SYNDIG1: variants seen among roughly 807,000 people sequenced by gnomAD.
SYNDIG1 encodes the protein synapse differentiation inducing 1.
SYNDIG1 carries 9 observed loss-of-function variants against 19.4 expected under a neutral mutation model. That is an observed-to-expected ratio of 0.46 (90% CI 0.28 to 0.81). The LOEUF is 0.81. SYNDIG1 is among the 30% of genes least tolerant of loss of function. The pLI, the probability that SYNDIG1 is intolerant of heterozygous loss-of-function variation, is 0.12. For synonymous variants in SYNDIG1, 141 were observed against 145.9 expected, an observed-to-expected ratio of 0.97 and a Z score of 0.24; for missense variants, 311 against 343.3, an observed-to-expected ratio of 0.91 and a Z score of 0.74.
intron 1 of SYNDIG1, among the ~76,000 whole-genome samples, chr20:24,474,031 A>G (rs1420834985): frequency 6.6e-6 from 1 of 152,228 alleles, no homozygotes; most frequent in Admixed American, 6.5e-5. Context: ...GTGGATGGAT[A>G]CATGCACAGG....
At chr20:24,498,055 T>C (rs1302151699) in intron 1 of SYNDIG1, among the ~76,000 whole-genome samples, 1 of 152,244 alleles carries the variant, frequency 6.6e-6, no homozygotes, top group African/African-American at 2.4e-5. Flanking sequence ...ACAGCCCTCA[T>C]TCCAGGGTGG....
intron 2 of SYNDIG1, among the ~76,000 whole-genome samples, chr20:24,583,186 TC>T (rs2058358567): frequency 6.6e-6 from 1 of 152,222 alleles, no homozygotes; most frequent in Admixed American, 6.5e-5. Context: ...CTGTGGGCCT[TC>T]CCAGCTTCTG....
chr20:24,517,394 T>TC (rs2056897816), intron 1 of SYNDIG1, among the ~76,000 whole-genome samples: 1 of 150,522 alleles, frequency 6.6e-6, no homozygotes, highest in African/African-American at 2.4e-5. Context: ...GGCGGGCAGA[T>TC]CACAAGGTCA....
chr20:24,623,471 CA>C (rs1486059350), intron 3 of SYNDIG1, among the ~76,000 whole-genome samples: 3 of 151,908 alleles, frequency 2.0e-5, no homozygotes, highest in Non-Finnish European at 2.9e-5. Flanking sequence ...AAAAGTACAG[CA>C]AAAAAGAATA....
chr20:24,627,150 G>GAGAGCGAGAGCGAGAGCGAGAGCGAGAGC (rs1568697901), intron 3 of SYNDIG1, among the ~76,000 whole-genome samples: 2 of 136,398 alleles, frequency 1.5e-5, no homozygotes, highest in African/African-American at 5.8e-5. Flanking sequence ...AGAGGGAGAG[G>GAGAGCGAGAGCGAGAGCGAGAGCGAGAGC]GAGAGCGAGA....
In SYNDIG1 at chr20:24,622,601, C is replaced by T. The variant is rs1600768494; in HGVS notation, c.618+37608C>T. On this transcript the variant is annotated intron_variant, in intron 3 of 3. Coordinates refer to ENST00000376862, the MANE Select transcript of SYNDIG1 (RefSeq NM_024893.3). ...ACATGTGTGGAATCTAGGTTGCATG[C>T]TCCTTATGAGAATCTAATGCCTGAT... is the stretch of plus-strand genomic sequence containing the variant. Among the ~76,000 whole-genome samples, 2 of 152,306 alleles carry T rather than the reference C, an allele frequency of 1.3e-5. 1 individual carries two copies. The highest frequency in any genetic ancestry group is 2.9e-5 in the Non-Finnish European group (2 of 68,032).
At chr20:24,516,218 C>G (rs1329927706) in intron 1 of SYNDIG1, among the ~76,000 whole-genome samples, 1 of 152,190 alleles carries the variant, frequency 6.6e-6, no homozygotes, top group Non-Finnish European at 1.5e-5. Context: ...AGACCGAAAA[C>G]CATAAAAAGC....
chr20:24,512,624 G>A (rs2056773829), intron 1 of SYNDIG1, among the ~76,000 whole-genome samples: 1 of 152,138 alleles, frequency 6.6e-6, no homozygotes, highest in South Asian at 2.1e-4. Context: ...GCTTGAGTAG[G>A]TAAACAAAGC....
At chr20:24,604,629 C>A (rs993988167) in intron 3 of SYNDIG1, among the ~76,000 whole-genome samples, 2 of 152,204 alleles carry the variant, frequency 1.3e-5, no homozygotes, top group Non-Finnish European at 2.9e-5. Flanking sequence ...CCAGAAAAAT[C>A]ATGAAAAATC....
intron 1 of SYNDIG1, among the ~76,000 whole-genome samples, chr20:24,505,066 G>A (rs555312576): frequency 3.9e-5 from 6 of 152,290 alleles, no homozygotes; most frequent in South Asian, 2.1e-4. Flanking sequence ...CAGGTGAGCC[G>A]CGGCAGGGCT....
intron 3 of SYNDIG1, among the ~76,000 whole-genome samples, chr20:24,659,636 C>T (rs954962078): frequency 3.3e-5 from 5 of 152,160 alleles, no homozygotes; most frequent in African/African-American, 1.2e-4. Flanking sequence ...ATGAAACGGC[C>T]ACTGCAAATA....
intron 2 of SYNDIG1, among the ~76,000 whole-genome samples, chr20:24,552,281 G>A (rs1230490925): frequency 6.6e-6 from 1 of 152,074 alleles, no homozygotes; most frequent in African/African-American, 2.4e-5. Context: ...TCACTGAGAC[G>A]ATTATTGCCA....
chr20:24,470,396 T>C (rs1384895316), intron 1 of SYNDIG1, among the ~76,000 whole-genome samples: 1 of 152,162 alleles, frequency 6.6e-6, no homozygotes. Context: ...GGAGCCTCTT[T>C]CCTCTAGCCA....
chr20:24,633,506 A>G (rs1381719175), intron 3 of SYNDIG1, among the ~76,000 whole-genome samples: 2 of 152,156 alleles, frequency 1.3e-5, no homozygotes, highest in African/African-American at 4.8e-5. Flanking sequence ...GAATGTTCCA[A>G]AGAACCTTGT....
At chr20:24,528,682 C>T (rs2057178276) in intron 1 of SYNDIG1, among the ~76,000 whole-genome samples, 1 of 152,202 alleles carries the variant, frequency 6.6e-6, no homozygotes, top group Admixed American at 6.5e-5. Flanking sequence ...GGCTCCACCT[C>T]TTAATGCCAT....
At chr20:24,588,336 T>TA (rs968397539) in intron 3 of SYNDIG1, among the ~76,000 whole-genome samples, 1 of 152,220 alleles carries the variant, frequency 6.6e-6, no homozygotes, top group African/African-American at 2.4e-5. Context: ...TTGCTAATTC[T>TA]AAAAATATGT....
intron 3 of SYNDIG1, among the ~76,000 whole-genome samples, chr20:24,617,853 GGGT>G (rs2058964566): frequency 6.8e-6 from 1 of 146,238 alleles, no homozygotes; most frequent in Admixed American, 6.7e-5. Flanking sequence ...TCCTGGGGGA[GGGT>G]ATGGGAGTGG....
chr20:24,657,284 G>A, intron 3 of SYNDIG1, among the ~76,000 whole-genome samples: 1 of 152,216 alleles, frequency 6.6e-6, no homozygotes, highest in Admixed American at 6.5e-5. Context: ...TCCCGTGTAT[G>A]TTTACGATGT....
intron 3 of SYNDIG1, among the ~76,000 whole-genome samples, chr20:24,624,471 T>A (rs185568567): frequency 2.1e-4 from 32 of 152,308 alleles, no homozygotes; most frequent in Admixed American, 2.1e-3. Flanking sequence ...CTGGATATGA[T>A]GAAGGGTTCG....
Sources: gnomAD v4.1 joint callset for allele counts (sites outside exome capture counted in the v4.1 genomes callset) on GRCh38, gnomAD v4.1.1 for gene constraint, MANE v1.5 for transcripts, NCBI Gene and HGNC (gene_info 2026-07-23, HGNC 2026-07-21) for gene names.